RNF150: variants seen among roughly 807,000 people sequenced by gnomAD.
RNF150 encodes ring finger protein 150.
Under a neutral mutation model 39.3 loss-of-function variants are expected in RNF150, and 24 were observed. The ratio of observed to expected loss-of-function variants is 0.61; its 90% CI spans 0.44 to 0.86. RNF150 has a LOEUF of 0.86. Among genes scored for constraint, RNF150 ranks in the 40% least tolerant of loss-of-function variants. The probability of loss-of-function intolerance (pLI) is 0.00; values close to 1 mark genes in which losing one functional copy is unlikely to be tolerated. For missense variants in RNF150, 502 were observed against 587.8 expected, an observed-to-expected ratio of 0.85 and a Z score of 1.51; for synonymous variants, 255 against 227.3, an observed-to-expected ratio of 1.12 and a Z score of -1.10.
intron 1 of RNF150, among the ~76,000 whole-genome samples, chr4:141,178,011 T>C (rs1727842893): frequency 6.6e-6 from 1 of 152,282 alleles, no homozygotes; most frequent in Admixed American, 6.5e-5. Context: ...TCTCAAAATA[T>C]CTATAAAACT....
intron 1 of RNF150, among the ~76,000 whole-genome samples, chr4:141,067,643 G>C (rs1737514587): frequency 6.6e-6 from 1 of 152,096 alleles, no homozygotes; most frequent in Non-Finnish European, 1.5e-5. Flanking sequence ...ATCTACATTG[G>C]TTTTCTCGAC....
rs753851843 is a variant in RNF150, at chr4:140,911,175, G to A, written c.1167C>T (p.Pro389=). 2 of 1,614,082 alleles carry A rather than the reference G, an allele frequency of 1.2e-6. No homozygotes were observed. The highest frequency in any genetic ancestry group is 1.7e-6 in the Non-Finnish European group (2 of 1,179,936). The change falls in exon 6 of 7, where the codon CCC becomes CCT. Residue 389 remains proline, a synonymous_variant. Coordinates refer to ENST00000515673, the MANE Select transcript of RNF150 (RefSeq NM_020724.2). ...TAGTAAAGATGACGTCTCCCTCCTG[G>A]GGGATGGGGTCTGTATCCTGGACCA... ...LQVVQDTDPI[P]QEGDVIFTTN...
At chr4:140,989,379 C>T (rs774829443) in intron 1 of RNF150, among the ~76,000 whole-genome samples, 6 of 152,056 alleles carry the variant, frequency 3.9e-5, no homozygotes, top group South Asian at 2.1e-4. Flanking sequence ...AGTGCTGTGA[C>T]GAGCTGCCAC....
chr4:141,138,885 A>C (rs1727070541), intron 1 of RNF150, among the ~76,000 whole-genome samples: 1 of 152,210 alleles, frequency 6.6e-6, no homozygotes. Context: ...CAGAGTCTAA[A>C]AATTTTAATA....
intron 6 of RNF150, among the ~76,000 whole-genome samples, chr4:140,900,887 T>C (rs1429433510): frequency 5.3e-5 from 8 of 152,070 alleles, no homozygotes. Flanking sequence ...AGGTTCTATT[T>C]TGACAATTTT....
At chr4:141,201,090 T>G (rs1728282544) in intron 1 of RNF150, among the ~76,000 whole-genome samples, 1 of 83,742 alleles carries the variant, frequency 1.2e-5, no homozygotes, top group African/African-American at 5.7e-5. Context: ...GATTATTATT[T>G]CAGATCTTTA....
intron 1 of RNF150, among the ~76,000 whole-genome samples, chr4:141,065,368 A>G (rs562880218): frequency 1.3e-4 from 20 of 152,170 alleles, no homozygotes; most frequent in Non-Finnish European, 2.1e-4. Flanking sequence ...ATTTTCTGAG[A>G]TTATTGATTT....
intron 6 of RNF150, among the ~76,000 whole-genome samples, chr4:140,897,799 C>T (rs964848707): frequency 1.3e-5 from 2 of 152,180 alleles, no homozygotes; most frequent in Admixed American, 1.3e-4. Context: ...AGGATTATTG[C>T]ATTACATTTA....
At chr4:141,128,352 T>TACACAAAGACCACACAAA (rs1421161616) in intron 1 of RNF150, among the ~76,000 whole-genome samples, 1 of 152,196 alleles carries the variant, frequency 6.6e-6, no homozygotes, top group Non-Finnish European at 1.5e-5. Context: ...CCTGGGAGGT[T>TACACAAAGACCACACAAA]AACTTGCACA....
intron 5 of RNF150, among the ~76,000 whole-genome samples, chr4:140,916,100 C>T (rs530033522): frequency 3.9e-5 from 6 of 152,280 alleles, no homozygotes; most frequent in South Asian, 2.1e-4. Context: ...GGGGAAAAAA[C>T]GGAGCAGAAA....
At chr4:140,975,805 C>T (rs1363430168) in intron 1 of RNF150, among the ~76,000 whole-genome samples, 1 of 152,166 alleles carries the variant, frequency 6.6e-6, no homozygotes, top group Non-Finnish European at 1.5e-5. Flanking sequence ...CCCATGAGGG[C>T]AGGCTCTCTG....
chr4:141,137,826 C>T (rs190018991), upstream of RNF150, among the ~76,000 whole-genome samples: 22 of 152,242 alleles, frequency 1.4e-4, no homozygotes, highest in East Asian at 3.7e-3. Context: ...TTAAAATATA[C>T]CCAGAAGACA....
intron 1 of RNF150, among the ~76,000 whole-genome samples, chr4:141,112,039 G>A (rs909059589): frequency 2.0e-5 from 3 of 152,042 alleles, no homozygotes; most frequent in Non-Finnish European, 4.4e-5. Flanking sequence ...TAATAGCATT[G>A]GCAGGCAAGT....
At chr4:141,060,277 A>G (rs990974578) in intron 1 of RNF150, among the ~76,000 whole-genome samples, 1 of 152,080 alleles carries the variant, frequency 6.6e-6, no homozygotes, top group Non-Finnish European at 1.5e-5. Context: ...CTCCATCTCT[A>G]CAAAAATTTA....
intron 1 of RNF150, among the ~76,000 whole-genome samples, chr4:141,054,378 A>G (rs1222960417): frequency 1.3e-5 from 2 of 152,296 alleles, no homozygotes; most frequent in East Asian, 1.9e-4. Context: ...CTGTAGATTA[A>G]TTCAAGAGAA....
In RNF150 at chr4:141,019,080, A is replaced by ATATATATATG. The variant is rs1174014870; in HGVS notation, c.485-51208_485-51207insCATATATATA. ...TATATATATATATATATATATATAT[A>ATATATATATG]TGGAACTTTACACAAAAGAATGTTA... On this transcript the variant is annotated intron_variant, in intron 1 of 6. Transcript: ENST00000515673. Among the ~76,000 whole-genome samples, 100 of 136,806 alleles carry ATATATATATG rather than the reference A, an allele frequency of 7.3e-4. 6 individuals carry two copies. Among genetic ancestry groups the ATATATATATG allele is most frequent in the East Asian group, 1.4e-3 (6 of 4,314 alleles). 89.8% of individuals were successfully genotyped at this position (136,806 alleles called of 152,430 possible).
chr4:140,903,133 A>C (rs1730247773), intron 6 of RNF150, among the ~76,000 whole-genome samples: 1 of 152,228 alleles, frequency 6.6e-6, no homozygotes. Context: ...ACAAAAATGC[A>C]GAAAGGGTAA....
At chr4:141,183,960 A>G (rs949267354) in intron 1 of RNF150, among the ~76,000 whole-genome samples, 2 of 152,204 alleles carry the variant, frequency 1.3e-5, no homozygotes, top group Non-Finnish European at 1.5e-5. Context: ...TAGTGCTGCA[A>G]TAAACATACG....
intron 1 of RNF150, among the ~76,000 whole-genome samples, chr4:141,201,735 T>C (rs909938267): frequency 6.6e-6 from 1 of 152,110 alleles, no homozygotes; most frequent in African/African-American, 2.4e-5. Context: ...TATATCTCAA[T>C]CTCTGCTTGT....
Sources: allele counts gnomAD v4.1 joint callset (sites outside exome capture counted in the v4.1 genomes callset), GRCh38; gene constraint gnomAD v4.1.1; transcripts MANE v1.5; gene names NCBI Gene and HGNC (gene_info 2026-07-23, HGNC 2026-07-21).